Variants in PTPRD observed in about 807,000 individuals in gnomAD.
The protein encoded by PTPRD is receptor-type tyrosine-protein phosphatase delta.
In PTPRD, 34 loss-of-function variants were observed where a neutral mutation model predicts 214.5. The observed-to-expected ratio is 0.16, with a 90% confidence interval of 0.12 to 0.21. The LOEUF (loss-of-function observed/expected upper bound fraction) is 0.21, where lower values mean the gene tolerates loss of function less well. Ranked by LOEUF, PTPRD falls within the 10% of genes least tolerant of loss-of-function variation. The pLI, the probability that PTPRD is intolerant of heterozygous loss-of-function variation, is 1.00. For synonymous variants in PTPRD, 1,128 were observed against 845.7 expected, an observed-to-expected ratio of 1.33 and a Z score of -5.79; for missense variants, 2,545 against 2,398.7, an observed-to-expected ratio of 1.06 and a Z score of -1.27.
chr9:10,431,677 A>G lies in PTPRD; in HGVS notation c.-599-90660T>C, dbSNP rs2098680394. Among the ~76,000 whole-genome samples the G allele has an allele frequency of 2.0e-5, 3 of 152,300 alleles. No individual in the cohort carries two copies. In the South Asian group the frequency reaches 6.2e-4, roughly 32 times the overall value. On this transcript the variant is annotated intron_variant, in intron 2 of 45. Transcript: ENST00000381196. ...AGACATTTATGCAGCCAAAAAGCAC[A>G]TGAAAAAATGCTCGTCATCACTGGC... is the stretch of plus-strand genomic sequence containing the variant.
intron 11 of PTPRD, among the ~76,000 whole-genome samples, chr9:8,855,439 C>A (rs2097898371): frequency 6.6e-6 from 1 of 151,996 alleles, no homozygotes; most frequent in Non-Finnish European, 1.5e-5. Flanking sequence ...ACTGCTCTGG[C>A]CCAAGAAGAA....
At chr9:8,802,031 C>G (rs374659306) in intron 11 of PTPRD, among the ~76,000 whole-genome samples, 1 of 152,122 alleles carries the variant, frequency 6.6e-6, no homozygotes, top group Non-Finnish European at 1.5e-5. Context: ...TATTTATTAT[C>G]GCCAATCTGA....
At chr9:8,965,628 G>A (rs1320947822) in intron 11 of PTPRD, among the ~76,000 whole-genome samples, 2 of 152,006 alleles carry the variant, frequency 1.3e-5, no homozygotes, top group African/African-American at 4.8e-5. Flanking sequence ...TTAAAGTAAG[G>A]AAGATTCCTT....
intron 44 of PTPRD, among the ~76,000 whole-genome samples, 166 bp downstream of exon 44, chr9:8,331,416 C>CTTTACATTTTCCTCTGA (rs1007920201): frequency 4.2e-5 from 2 of 47,282 alleles, no homozygotes; most frequent in African/African-American, 1.7e-3. Flanking sequence ...ATTATTTTCA[C>CTTTACATTTTCCTCTGA]TTATTTTCAC....
chr9:10,193,257 CT>C (rs1013095843), intron 3 of PTPRD, among the ~76,000 whole-genome samples: 1 of 151,598 alleles, frequency 6.6e-6, no homozygotes, highest in Non-Finnish European at 1.5e-5. Flanking sequence ...TTTCCAGGTT[CT>C]TTTCCTGAAA....
chr9:8,526,733 A>C (rs1273722356), intron 16 of PTPRD, 89 bp from the exon 17 acceptor site: 1 of 1,077,556 alleles, frequency 9.3e-7, no homozygotes, highest in Non-Finnish European at 1.3e-6. Flanking sequence ...GAAGAATTAA[A>C]TTAGATTTAC....
chr9:9,963,187 T>C (rs894382680), intron 4 of PTPRD, among the ~76,000 whole-genome samples: 33 of 152,224 alleles, frequency 2.2e-4, no homozygotes, highest in Admixed American at 9.8e-4. Flanking sequence ...AATACAATAC[T>C]GAGATTTAAA....
At chr9:9,624,902 C>T (rs535741644) in intron 7 of PTPRD, among the ~76,000 whole-genome samples, 81 of 151,386 alleles carry the variant, frequency 5.4e-4, no homozygotes, top group Non-Finnish European at 9.4e-4. Context: ...AGCAGTGTGG[C>T]CTTGGGTTAC....
intron 9 of PTPRD, among the ~76,000 whole-genome samples, chr9:9,374,660 G>T (rs1368026883): frequency 6.6e-6 from 1 of 152,136 alleles, no homozygotes; most frequent in Non-Finnish European, 1.5e-5. Context: ...TCAATACGTT[G>T]TAACAAATGG....
At chr9:9,802,347 C>A (rs1320209405) in intron 5 of PTPRD, among the ~76,000 whole-genome samples, 1 of 151,828 alleles carries the variant, frequency 6.6e-6, no homozygotes, top group African/African-American at 2.4e-5. Flanking sequence ...CTAAGATGTC[C>A]TTAGGTCAAA....
intron 4 of PTPRD, among the ~76,000 whole-genome samples, chr9:10,004,282 A>G (rs113941376): frequency 2.6e-5 from 4 of 152,130 alleles, no homozygotes; most frequent in African/African-American, 9.6e-5. Context: ...TCATTAGGCT[A>G]TATTAAAGCC....
chr9:9,937,325 C>A (rs1459914609), intron 5 of PTPRD, among the ~76,000 whole-genome samples: 1 of 150,850 alleles, frequency 6.6e-6, no homozygotes, highest in Non-Finnish European at 1.5e-5. Context: ...CTTATAAAGA[C>A]ATTTTAATCC....
intron 26 of PTPRD, among the ~76,000 whole-genome samples, chr9:8,495,450 G>A (rs1232594921): frequency 6.6e-6 from 1 of 152,026 alleles, no homozygotes; most frequent in Non-Finnish European, 1.5e-5. Context: ...CTTTTTACCT[G>A]CTTTCCTATC....
At chr9:9,439,343 C>T (rs2086599381) in intron 8 of PTPRD, among the ~76,000 whole-genome samples, 1 of 152,018 alleles carries the variant, frequency 6.6e-6, no homozygotes, top group Admixed American at 6.6e-5. Flanking sequence ...CTTTGATTTC[C>T]AAGGCTACCA....
At chr9:8,925,609 T>C (rs1227761741) in intron 11 of PTPRD, among the ~76,000 whole-genome samples, 1 of 116,776 alleles carries the variant, frequency 8.6e-6, no homozygotes, top group African/African-American at 3.5e-5. Flanking sequence ...ATGAGGATGG[T>C]TACCTCTGCA....
intron 30 of PTPRD, among the ~76,000 whole-genome samples, chr9:8,476,417 T>C (rs1046481987): frequency 3.9e-5 from 6 of 152,144 alleles, no homozygotes; most frequent in Admixed American, 3.3e-4. Flanking sequence ...AGGTTAGGAA[T>C]TGGCACCCAT....
intron 5 of PTPRD, among the ~76,000 whole-genome samples, chr9:9,918,717 A>T (rs1456818666): frequency 6.6e-6 from 1 of 152,136 alleles, no homozygotes; most frequent in Non-Finnish European, 1.5e-5. Flanking sequence ...AGAGACCAAT[A>T]GAACCAATAG....
chr9:8,967,208 A>G (rs2099202188), intron 11 of PTPRD, among the ~76,000 whole-genome samples: 1 of 152,164 alleles, frequency 6.6e-6, no homozygotes, highest in African/African-American at 2.4e-5. Flanking sequence ...GGGAATGTAA[A>G]TTAGTCCTGC....
chr9:8,733,754 C>T, intron 12 of PTPRD, 26 bp downstream of exon 12: 10 of 1,551,328 alleles, frequency 6.4e-6, no homozygotes, highest in African/African-American at 1.4e-5. Context: ...GGTCACAGCC[C>T]CCTAGAGAAG....
Sources: allele counts gnomAD v4.1 joint callset (sites outside exome capture counted in the v4.1 genomes callset), GRCh38; gene constraint gnomAD v4.1.1; transcripts MANE v1.5; gene names NCBI Gene and HGNC (gene_info 2026-07-23, HGNC 2026-07-21).